The following NDUFA10 variants were observed in gnomAD, a reference collection of about 807,000 sequenced individuals.
NDUFA10 encodes the protein NADH dehydrogenase [ubiquinone] 1 alpha subcomplex subunit 10, mitochondrial.
NDUFA10 carries 40 observed loss-of-function variants against 47.8 expected under a neutral mutation model. The observed-to-expected ratio is 0.84, with a 90% CI of 0.65 to 1.09. NDUFA10 has a LOEUF of 1.09. Among genes scored for constraint, NDUFA10 ranks in the 50% least tolerant of loss-of-function variants. The probability of loss-of-function intolerance (pLI) is 0.00; values close to 1 mark genes in which losing one functional copy is unlikely to be tolerated. For missense variants in NDUFA10, 413 were observed against 451.1 expected, an observed-to-expected ratio of 0.92 and a Z score of 0.76; for synonymous variants, 183 against 172.2, an observed-to-expected ratio of 1.06 and a Z score of -0.49.
intron 4 of NDUFA10, among the ~76,000 whole-genome samples, chr2:239,905,462 GT>G (rs1335207636): frequency 6.6e-6 from 1 of 152,236 alleles, no homozygotes; most frequent in Non-Finnish European, 1.5e-5. Flanking sequence ...CAGGGCATGC[GT>G]ATGTGTGTGT....
intron 4 of NDUFA10, among the ~76,000 whole-genome samples, chr2:239,900,782 T>C (rs940476529): frequency 2.3e-4 from 35 of 152,346 alleles, no homozygotes; most frequent in African/African-American, 8.4e-4. Flanking sequence ...GCCCTCACTC[T>C]CTTCAATTCT....
At chr2:240,022,372 T>G in intron 1 of NDUFA10, 32 bp from the exon 2 acceptor site, 9 of 1,613,748 alleles carry the variant, frequency 5.6e-6, no homozygotes, top group Non-Finnish European at 7.6e-6. Context: ...AGCAGCACAT[T>G]GTGACCACTC....
Position 239,982,254 on chromosome 2 carries a change from G to T in NDUFA10, c.999+7820C>A, listed in dbSNP as rs191693675. 7 of 1,609,204 alleles carry T rather than the reference G, an allele frequency of 4.3e-6. No homozygotes were observed. In the Admixed American group the frequency reaches 1.2e-4, roughly 27 times the overall value. ...TAGACGAAACAATTCTGTTCACCTC[G>T]CCTCTGACAAAGGCCGACTTTACTT... On this transcript the variant is annotated intron_variant, in intron 9 of 9. Coordinates refer to ENST00000252711, the MANE Select transcript of NDUFA10 (RefSeq NM_004544.4).
intron 9 of NDUFA10, chr2:239,969,642 C>T (rs1457056592): frequency 6.4e-6 from 3 of 471,170 alleles, no homozygotes; most frequent in Non-Finnish European, 1.3e-5. Flanking sequence ...GTCACAGTCC[C>T]GCAAGGAAGA....
intron 8 of NDUFA10, among the ~76,000 whole-genome samples, chr2:239,994,925 C>T (rs1416755634): frequency 1.3e-5 from 2 of 152,072 alleles, no homozygotes; most frequent in Non-Finnish European, 2.9e-5. Flanking sequence ...AACTGAAAAT[C>T]AATGGCCTTT....
intron 8 of NDUFA10, among the ~76,000 whole-genome samples, chr2:239,990,799 T>A (rs1696213606): frequency 6.6e-6 from 1 of 152,216 alleles, no homozygotes; most frequent in African/African-American, 2.4e-5. Context: ...TTTTGCTGAA[T>A]GTTAAAATAT....
At chr2:239,896,768 T>C (rs1190907045) in intron 4 of NDUFA10, among the ~76,000 whole-genome samples, 1 of 152,234 alleles carries the variant, frequency 6.6e-6, no homozygotes, top group Non-Finnish European at 1.5e-5. Flanking sequence ...CCGTGAAAGA[T>C]GCAGACCAAG....
intron 4 of NDUFA10, among the ~76,000 whole-genome samples, chr2:239,900,188 G>T (rs1302271967): frequency 1.3e-5 from 2 of 152,076 alleles, no homozygotes; most frequent in Admixed American, 1.3e-4. Context: ...CAGACTGAAG[G>T]CTGTACTGTT....
At chr2:239,973,755 T>C (rs1052633101) in intron 9 of NDUFA10, 2 of 381,624 alleles carry the variant, frequency 5.2e-6, no homozygotes, top group Admixed American at 7.5e-5. Context: ...AAAACGTGAC[T>C]TTAAAAAATC....
At chr2:239,924,769 T>C (rs1386967158) in intron 4 of NDUFA10, among the ~76,000 whole-genome samples, 1 of 152,098 alleles carries the variant, frequency 6.6e-6, no homozygotes, top group African/African-American at 2.4e-5. Context: ...AGAAAAACTC[T>C]TCTTATTTGC....
rs201090857 is a variant in NDUFA10, at chr2:240,011,603, T to C, written c.749+14A>G. 341 of 1,597,764 alleles carry C rather than the reference T, an allele frequency of 2.1e-4. 2 individuals carry two copies. In the Admixed American group the frequency reaches 5.2e-3, roughly 24 times the overall value. ...AAGTTTTAGCCCTGTAAATCAGTCGTGTGTTTGGCTCACCTCATCTCAGGG... is the reference window on the plus strand; with the variant it reads ...AAGTTTTAGCCCTGTAAATCAGTCGCGTGTTTGGCTCACCTCATCTCAGGG... On this transcript the variant is annotated intron_variant, in intron 6 of 9. Coordinates refer to ENST00000252711, the MANE Select transcript of NDUFA10 (RefSeq NM_004544.4).
At chr2:240,019,334 A>T (rs1697510500) in intron 3 of NDUFA10, among the ~76,000 whole-genome samples, 2 of 152,214 alleles carry the variant, frequency 1.3e-5, no homozygotes, top group Admixed American at 6.5e-5. Flanking sequence ...CTAAATATTT[A>T]ATGAATACGT....
chr2:239,910,270 G>A (rs1003479392), intron 4 of NDUFA10, among the ~76,000 whole-genome samples: 1 of 152,174 alleles, frequency 6.6e-6, no homozygotes, highest in Non-Finnish European at 1.5e-5. Context: ...GCACGTGTAT[G>A]TTCACTGCAG....
chr2:239,967,438 G>A (rs1010754544), intron 9 of NDUFA10, among the ~76,000 whole-genome samples: 4 of 152,210 alleles, frequency 2.6e-5, no homozygotes, highest in Non-Finnish European at 5.9e-5. Flanking sequence ...GAGCTGAGCG[G>A]CTGTGAGAGG....
intron 4 of NDUFA10, among the ~76,000 whole-genome samples, chr2:239,938,964 C>T (rs1285922751): frequency 1.3e-5 from 2 of 152,148 alleles, no homozygotes; most frequent in African/African-American, 2.4e-5. Context: ...GGCGGAAAGA[C>T]GCTGCCTCAC....
In NDUFA10 at chr2:239,960,841, G is replaced by C; in HGVS notation, c.*277C>G. The stretch of plus-strand genomic sequence containing the variant: ...GCTGAAACCACAGGGGCTGCCGAGA[G>C]CTGGCCTTTCACAGCAGACCACTGT... On this transcript the variant is annotated 3_prime_UTR_variant, in exon 10 of 10. Transcript: ENST00000252711. The C allele has an allele frequency of 7.4e-7, 1 of 1,355,504 alleles. No individual in the cohort carries two copies. Among genetic ancestry groups the C allele is most frequent in the Admixed American group, 2.9e-5 (1 of 34,368 alleles). 84.0% of individuals were successfully genotyped at this position (1,355,504 alleles called of 1,614,324 possible).
intron 4 of NDUFA10, among the ~76,000 whole-genome samples, chr2:239,949,710 A>G (rs960210739): frequency 6.6e-6 from 1 of 151,734 alleles, no homozygotes. Context: ...TCTCCAACTC[A>G]GCCTCAAGCG....
chr2:239,906,207 G>C lies in NDUFA10; in HGVS notation c.295-10893C>G, dbSNP rs1196237794. Among the ~76,000 whole-genome samples, 5 of 152,282 alleles carry C rather than the reference G, an allele frequency of 3.3e-5. No individual in the cohort carries two copies. Among genetic ancestry groups the C allele is most frequent in the Admixed American group, 6.5e-5 (1 of 15,300 alleles). ...TTAACAAGAACCCCCGGCCCTCCAG[G>C]TGGTTGGAAATATTACCCGGAAGGA... On this transcript the variant is annotated intron_variant, in intron 4 of 5. Coordinates refer to the NDUFA10 transcript ENST00000419408. This position sits in a 1 kb window ranked among gnomAD's most constrained non-coding sequence, Gnocchi z 4.3.
intron 4 of NDUFA10, among the ~76,000 whole-genome samples, chr2:239,911,165 T>C (rs905758108): frequency 9.2e-5 from 14 of 152,196 alleles, no homozygotes; most frequent in African/African-American, 3.1e-4. Flanking sequence ...CCTCCAGTTC[T>C]CCAAGCAACA....
Sources: gnomAD v4.1 joint callset for allele counts (sites outside exome capture counted in the v4.1 genomes callset) on GRCh38, gnomAD v4.1.1 for gene constraint, Gnocchi (gnomAD v3.1) non-coding constraint, MANE v1.5 for transcripts, NCBI Gene and HGNC (gene_info 2026-07-23, HGNC 2026-07-21) for gene names.